Variants in UBE3A observed in about 807,000 individuals in gnomAD.
The protein encoded by UBE3A is ubiquitin-protein ligase E3A.
A neutral mutation model predicts 83.4 loss-of-function variants in UBE3A; 6 were observed. That is an observed-to-expected ratio of 0.07 (90% confidence interval 0.04 to 0.14). The LOEUF is 0.14. Ranked by LOEUF, UBE3A falls within the 10% of genes least tolerant of loss-of-function variation. UBE3A has a pLI of 1.00. For synonymous variants in UBE3A, 337 were observed against 355.4 expected, an observed-to-expected ratio of 0.95 and a Z score of 0.58; for missense variants, 456 against 1,036.1, an observed-to-expected ratio of 0.44 and a Z score of 7.69.
chr15:25,357,500 C>T (rs1179914469), intron 7 of UBE3A: 1 of 152,242 alleles, frequency 6.6e-6, no homozygotes, highest in African/African-American at 2.4e-5. Flanking sequence ...AGGTGTGCAC[C>T]ACCACGCCAG....
At chr15:25,355,864 C>T in intron 9 of UBE3A, 28 bp downstream of exon 9, 1 of 1,599,000 alleles carries the variant, frequency 6.3e-7, no homozygotes, top group Non-Finnish European at 8.6e-7. Flanking sequence ...AATGAAGAGA[C>T]AAAATGTGAC....
At chr15:25,434,940 C>T (rs939685828) in intron 1 of UBE3A, among the ~76,000 whole-genome samples, 1 of 149,838 alleles carries the variant, frequency 6.7e-6, no homozygotes, top group African/African-American at 2.5e-5. Flanking sequence ...AGACAACTGC[C>T]GGAGTAAAAA....
chr15:25,353,004 G>T (rs938511553), intron 11 of UBE3A, among the ~76,000 whole-genome samples: 1 of 152,112 alleles, frequency 6.6e-6, no homozygotes, highest in Non-Finnish European at 1.5e-5. Flanking sequence ...AATAGCACAA[G>T]ATATGTTCAA....
At chr15:25,398,771 T>TTTTATATATA (rs1555415735) in intron 4 of UBE3A, among the ~76,000 whole-genome samples, 3 of 68,964 alleles carry the variant, frequency 4.4e-5, no homozygotes, top group African/African-American at 1.3e-4. Context: ...ATTCTTTTAT[T>TTTTATATATA]TATATATATA....
chr15:25,342,057 C>G (rs890501298), intron 11 of UBE3A, among the ~76,000 whole-genome samples: 22 of 152,144 alleles, frequency 1.4e-4, no homozygotes, highest in Admixed American at 1.4e-3. Flanking sequence ...AAGAAACACA[C>G]AACAACAGAA....
At chr15:25,355,871 T>G in intron 9 of UBE3A, 21 bp downstream of exon 9, 3 of 1,604,644 alleles carry the variant, frequency 1.9e-6, no homozygotes, top group Non-Finnish European at 2.6e-6. Context: ...AGACAAAATG[T>G]GACATAAAAA....
intron 11 of UBE3A, among the ~76,000 whole-genome samples, chr15:25,350,857 A>G (rs1179022688): frequency 6.6e-6 from 1 of 152,256 alleles, no homozygotes; most frequent in Non-Finnish European, 1.5e-5. Context: ...TAGAGCAGAC[A>G]AAAGTAAGCT....
chr15:25,408,998 CTGCCAACTA>C (rs2089355490), intron 3 of UBE3A, 81 bp downstream of exon 3: 1 of 1,362,380 alleles, frequency 7.3e-7, no homozygotes, highest in Non-Finnish European at 1.0e-6. Context: ...AGCAGTATTC[CTGCCAACTA>C]TACATTGTCT....
intron 4 of UBE3A, among the ~76,000 whole-genome samples, chr15:25,397,561 C>T (rs916625496): frequency 6.6e-6 from 1 of 152,114 alleles, no homozygotes; most frequent in Non-Finnish European, 1.5e-5. Flanking sequence ...GAAAGCCTGG[C>T]TCCTCCCCAA....
chr15:25,407,150 G>T (rs990506902), intron 3 of UBE3A: 5 of 1,349,660 alleles, frequency 3.7e-6, no homozygotes, highest in Non-Finnish European at 4.9e-6. Flanking sequence ...AAAAATTGAT[G>T]ATAACCCCAT....
rs189805427 is a variant in UBE3A at position 25,368,555 on chromosome 15, T to C, written c.1608+2011A>G. 1.8e-3 allele frequency among the ~76,000 whole-genome samples: 280 copies of C among 152,186 alleles called. 1 individual carries two copies. The highest frequency in any genetic ancestry group is 6.4e-3 in the African/African-American group (264 of 41,552). ...ACACATGATTTCTGAAGTGAACTGCTTTTGTGGGCTGGCAATATTCAAGTA... is the reference window on the plus strand; with the variant it reads ...ACACATGATTTCTGAAGTGAACTGCCTTTGTGGGCTGGCAATATTCAAGTA... On this transcript the variant is annotated intron_variant, in intron 6 of 12. Coordinates refer to ENST00000648336, the MANE Select transcript of UBE3A (RefSeq NM_130839.5).
In UBE3A at chr15:25,370,778, C is replaced by T; in HGVS notation, c.1396G>A (p.Val466Ile). The T allele has an allele frequency of 6.2e-7, 1 of 1,614,072 alleles. No homozygotes were observed. Among genetic ancestry groups the T allele is most frequent in the Non-Finnish European group, 8.5e-7 (1 of 1,179,974 alleles). Reference protein sequence around the residue: ...EMDKDYTFFKVETENKFSFMT... With the variant: ...EMDKDYTFFKIETENKFSFMT... ...AAAGAGAATTTGTTCTCTGTTTCTA[C>T]TTTGAAAAAAGTATAATCTTTATCC... The change falls in exon 6 of 13, where the codon GTA (valine) becomes ATA (isoleucine). Residue 466 changes from valine (V) to isoleucine (I), a missense_variant. By Grantham distance (29) the Val-to-Ile change is conservative. Coordinates refer to ENST00000648336, the MANE Select transcript of UBE3A (RefSeq NM_130839.5). This position sits in a 1 kb window ranked among gnomAD's most constrained non-coding sequence, Gnocchi z 4.2.
In UBE3A at chr15:25,410,670, G is replaced by A. The variant is rs1410837242; in HGVS notation, c.-101+1238C>T. ...AGCCCATACCTATGCAGCTATGAAC[G>A]CAGGGCTTCAAAATCCAGATTAGGT... On this transcript the variant is annotated intron_variant, in intron 2 of 12. Coordinates refer to ENST00000648336, the MANE Select transcript of UBE3A (RefSeq NM_130839.5). Among the ~76,000 whole-genome samples, 5 of 152,272 alleles carry A rather than the reference G, an allele frequency of 3.3e-5. No homozygotes were observed. The East Asian group carries it at 7.7e-4, about 23-fold the overall frequency.
At chr15:25,420,069 T>C (rs1196830436) in intron 1 of UBE3A, among the ~76,000 whole-genome samples, 1 of 151,962 alleles carries the variant, frequency 6.6e-6, no homozygotes, top group African/African-American at 2.4e-5. Flanking sequence ...AAAGCAACGA[T>C]CGTAAAAAGT....
intron 4 of UBE3A, chr15:25,393,852 C>T (rs1349631637): frequency 1.3e-5 from 2 of 152,166 alleles, no homozygotes; most frequent in African/African-American, 2.4e-5. Context: ...TTCATGGGCT[C>T]CTGTGTCTGT....
At chr15:25,358,193 G>T (rs2077511753) in intron 7 of UBE3A, among the ~76,000 whole-genome samples, 3 of 151,988 alleles carry the variant, frequency 2.0e-5, no homozygotes, top group Admixed American at 2.0e-4. Context: ...GCAAGATGGA[G>T]AAACCCCATC....
chr15:25,341,490 G>A (rs2074788782), intron 11 of UBE3A, among the ~76,000 whole-genome samples: 2 of 151,884 alleles, frequency 1.3e-5, no homozygotes, highest in South Asian at 4.2e-4. Context: ...AGAGCCAGGT[G>A]TGGTGGCTCA....
intron 6 of UBE3A, among the ~76,000 whole-genome samples, chr15:25,368,234 A>G (rs746898304): frequency 5.3e-5 from 8 of 152,128 alleles, no homozygotes; most frequent in Non-Finnish European, 7.4e-5. Flanking sequence ...CTATTATAGA[A>G]CTTCTACTAT....
rs1336355403 is a variant in UBE3A at position 25,356,672 on chromosome 15, A to C, written c.1959+19T>G. 2 of 1,609,802 alleles carry C rather than the reference A, an allele frequency of 1.2e-6. No individual in the cohort carries two copies. Among genetic ancestry groups the C allele is most frequent in the African/African-American group, 2.7e-5 (2 of 74,764 alleles). On this transcript the variant is annotated intron_variant, in intron 8 of 12. Coordinates refer to ENST00000648336, the MANE Select transcript of UBE3A (RefSeq NM_130839.5). ...ATAAAATCTAAGAGACTGAATTAAA[A>C]AAATGACAAAGAACTTACTGGGTGA... is the stretch of plus-strand genomic sequence containing the variant.
Sources: gnomAD v4.1 joint callset for allele counts (sites outside exome capture counted in the v4.1 genomes callset) on GRCh38, gnomAD v4.1.1 for gene constraint, Gnocchi (gnomAD v3.1) non-coding constraint, MANE v1.5 for transcripts, NCBI Gene and HGNC (gene_info 2026-07-23, HGNC 2026-07-21) for gene names.